KCNH7: variants seen among roughly 807,000 people sequenced by gnomAD.
KCNH7 encodes the protein potassium voltage-gated channel subfamily H member 7, also known as voltage-gated inwardly rectifying potassium channel KCNH7.
A neutral mutation model predicts 120.8 loss-of-function variants in KCNH7; 49 were observed. That is an observed-to-expected ratio of 0.41 (90% CI 0.32 to 0.51). The LOEUF is 0.51. KCNH7 is among the 20% of genes least tolerant of loss of function. The pLI, the probability that KCNH7 is intolerant of heterozygous loss-of-function variation, is 0.38. For synonymous variants in KCNH7, 547 were observed against 516.1 expected, an observed-to-expected ratio of 1.06 and a Z score of -0.81; for missense variants, 1,097 against 1,446.6, an observed-to-expected ratio of 0.76 and a Z score of 3.92.
intron 6 of KCNH7, among the ~76,000 whole-genome samples, chr2:162,489,482 TA>T (rs1690219642): frequency 6.6e-6 from 1 of 152,218 alleles, no homozygotes; most frequent in South Asian, 2.1e-4. Context: ...GGCTGAGGGC[TA>T]TACAAGCTTG....
At chr2:162,417,646 A>G (rs1430069781) in intron 9 of KCNH7, among the ~76,000 whole-genome samples, 1 of 152,124 alleles carries the variant, frequency 6.6e-6, no homozygotes, top group African/African-American at 2.4e-5. Flanking sequence ...GCATACTGTC[A>G]TTATTTTTCT....
At chr2:162,437,149 A>T (rs1331294620) in intron 7 of KCNH7, among the ~76,000 whole-genome samples, 1 of 152,102 alleles carries the variant, frequency 6.6e-6, no homozygotes, top group Non-Finnish European at 1.5e-5. Context: ...AGTGTTCTAC[A>T]GTTTCTTGTT....
chr2:162,379,080 GATTTA>G (rs1316235386), intron 14 of KCNH7, among the ~76,000 whole-genome samples: 1 of 152,144 alleles, frequency 6.6e-6, no homozygotes, highest in Non-Finnish European at 1.5e-5. Context: ...GTTTTAAATT[GATTTA>G]ATAAATCTTG....
At chr2:162,545,252 T>C (rs571589067) in intron 2 of KCNH7, among the ~76,000 whole-genome samples, 27 of 152,266 alleles carry the variant, frequency 1.8e-4, no homozygotes, top group Non-Finnish European at 3.2e-4. Context: ...TTTTGAGAAA[T>C]TTTGCAAAAA....
intron 2 of KCNH7, among the ~76,000 whole-genome samples, chr2:162,786,715 T>C (rs554287182): frequency 1.2e-4 from 19 of 152,314 alleles, no homozygotes; most frequent in African/African-American, 4.3e-4. Flanking sequence ...TATGTTGATT[T>C]GGGGAGGTAT....
chr2:162,518,210 G>C, intron 3 of KCNH7, 52 bp from the exon 4 acceptor site: 1 of 1,328,300 alleles, frequency 7.5e-7, no homozygotes, highest in Non-Finnish European at 1.0e-6. Context: ...GATATATCCT[G>C]TAACAAAAAC....
intron 2 of KCNH7, among the ~76,000 whole-genome samples, chr2:162,555,632 T>C (rs1692827111): frequency 6.6e-6 from 1 of 152,184 alleles, no homozygotes; most frequent in Non-Finnish European, 1.5e-5. Context: ...ATGTAGACAC[T>C]CAAGAGTTTT....
At chr2:162,774,414 T>C (rs916138906) in intron 2 of KCNH7, among the ~76,000 whole-genome samples, 4 of 152,188 alleles carry the variant, frequency 2.6e-5, no homozygotes, top group Admixed American at 1.3e-4. Flanking sequence ...CATTTCTGTG[T>C]TGCTTATGCA....
At chr2:162,505,931 A>T (rs1193303066) in intron 5 of KCNH7, among the ~76,000 whole-genome samples, 1 of 151,946 alleles carries the variant, frequency 6.6e-6, no homozygotes, top group Non-Finnish European at 1.5e-5. Flanking sequence ...TGGGTCAGAT[A>T]TAATACTAAG....
chr2:162,541,044 C>T (rs1305379739), intron 2 of KCNH7, among the ~76,000 whole-genome samples: 5 of 152,010 alleles, frequency 3.3e-5, no homozygotes, highest in Non-Finnish European at 5.9e-5. Flanking sequence ...GTAGCAGAAC[C>T]ATTTATTAAA....
intron 3 of KCNH7, among the ~76,000 whole-genome samples, chr2:162,521,637 G>T (rs1367937888): frequency 6.6e-6 from 1 of 151,822 alleles, no homozygotes; most frequent in Non-Finnish European, 1.5e-5. Flanking sequence ...ATATAGAGTT[G>T]TACATATTTA....
chr2:162,742,812 C>T (rs1225445070), intron 2 of KCNH7, among the ~76,000 whole-genome samples: 1 of 152,128 alleles, frequency 6.6e-6, no homozygotes, highest in African/African-American at 2.4e-5. Flanking sequence ...ATGTTAACGG[C>T]TCTTGTGACA....
intron 3 of KCNH7, among the ~76,000 whole-genome samples, chr2:162,523,691 T>A (rs1478616754): frequency 6.6e-6 from 1 of 151,914 alleles, no homozygotes; most frequent in Non-Finnish European, 1.5e-5. Flanking sequence ...GAAACAATCA[T>A]TTTCTTGTGG....
At chr2:162,543,253 T>G (rs931266555) in intron 2 of KCNH7, among the ~76,000 whole-genome samples, 1 of 151,294 alleles carries the variant, frequency 6.6e-6, no homozygotes, top group Non-Finnish European at 1.5e-5. Flanking sequence ...AGAAACATCC[T>G]TAACATAATC....
At chr2:162,394,029 T>C (rs1686826210) in intron 12 of KCNH7, among the ~76,000 whole-genome samples, 1 of 152,010 alleles carries the variant, frequency 6.6e-6, no homozygotes, top group Non-Finnish European at 1.5e-5. Context: ...CCTTCATCCA[T>C]GTCATGCATG....
intron 12 of KCNH7, among the ~76,000 whole-genome samples, chr2:162,389,763 TG>T (rs1038497704): frequency 2.0e-5 from 3 of 152,066 alleles, no homozygotes; most frequent in African/African-American, 7.2e-5. Flanking sequence ...ACTCATGACT[TG>T]GCACAAAATA....
At chr2:162,768,692 C>G (rs765990594) in intron 2 of KCNH7, among the ~76,000 whole-genome samples, 8 of 152,094 alleles carry the variant, frequency 5.3e-5, no homozygotes, top group Non-Finnish European at 1.2e-4. Context: ...GGTTCTGCAG[C>G]CTTTTCATAG....
chr2:162,626,893 C>G (rs1683599977), intron 2 of KCNH7, among the ~76,000 whole-genome samples: 1 of 152,084 alleles, frequency 6.6e-6, no homozygotes, highest in African/African-American at 2.4e-5. Flanking sequence ...TTCTCCAAAA[C>G]CCCAGGAGTG....
Position 162,371,434 on chromosome 2 carries a change from T to G in KCNH7, c.*395A>C, listed in dbSNP as rs1685941811. ...GAGTTGAGGATCATCTGAATTTGAG[T>G]TGCATCCATGAACAGTTTTATCCCT... On this transcript the variant is annotated 3_prime_UTR_variant, in exon 16 of 16. Transcript: ENST00000332142. 1 of 1,288,382 alleles carries G rather than the reference T, an allele frequency of 7.8e-7. No homozygotes were observed. The highest frequency in any genetic ancestry group is 1.0e-6 in the Non-Finnish European group (1 of 988,602). The allele number at this position is 1,288,382 out of a possible 1,614,324, so 79.8% of individuals were successfully genotyped here.
Sources: allele counts gnomAD v4.1 joint callset (sites outside exome capture counted in the v4.1 genomes callset), GRCh38; gene constraint gnomAD v4.1.1; transcripts MANE v1.5; gene names NCBI Gene and HGNC (gene_info 2026-07-23, HGNC 2026-07-21).